STOX2: variants seen among roughly 807,000 people sequenced by gnomAD.
The protein encoded by STOX2 is storkhead box 2.
STOX2 carries 28 observed loss-of-function variants against 60.9 expected under a neutral mutation model. The observed-to-expected ratio is 0.46, with a 90% confidence interval of 0.34 to 0.63. The LOEUF is 0.63. STOX2 is among the 30% of genes least tolerant of loss of function. The probability of loss-of-function intolerance (pLI) is 0.01; values close to 1 mark genes in which losing one functional copy is unlikely to be tolerated. For synonymous variants in STOX2, 472 were observed against 463.9 expected, an observed-to-expected ratio of 1.02 and a Z score of -0.22; for missense variants, 1,024 against 1,187.7, an observed-to-expected ratio of 0.86 and a Z score of 2.03.
chr4:183,925,138 G>A (rs1343580534), intron 1 of STOX2, among the ~76,000 whole-genome samples: 3 of 152,166 alleles, frequency 2.0e-5, no homozygotes, highest in Non-Finnish European at 2.9e-5. Flanking sequence ...TGAAGCCAGG[G>A]CTGATGGGAT....
At chr4:183,939,316 C>G (rs1742684981) in intron 1 of STOX2, among the ~76,000 whole-genome samples, 1 of 152,216 alleles carries the variant, frequency 6.6e-6, no homozygotes, top group Admixed American at 6.5e-5. Flanking sequence ...ACTCCAAGTC[C>G]TCCTTCGTCT....
intron 1 of STOX2, among the ~76,000 whole-genome samples, chr4:183,897,869 C>T (rs1279073314): frequency 6.6e-6 from 1 of 152,174 alleles, no homozygotes; most frequent in Admixed American, 6.5e-5. Context: ...CTTCTCCACG[C>T]TGGTTAACAT....
intron 1 of STOX2, among the ~76,000 whole-genome samples, chr4:183,953,482 T>C (rs1220468500): frequency 6.6e-6 from 1 of 152,152 alleles, no homozygotes; most frequent in Non-Finnish European, 1.5e-5. Flanking sequence ...GTGGCAAGAC[T>C]GGGGCCCATT....
intron 1 of STOX2, among the ~76,000 whole-genome samples, chr4:183,938,402 C>G (rs6819799): frequency 0.57 from 86,889 of 151,514 alleles, 27,570 homozygotes; most frequent in Non-Finnish European, 0.72. Context: ...AGCACGGTGG[C>G]TCACGCTTGT....
intron 1 of STOX2, among the ~76,000 whole-genome samples, chr4:183,975,815 G>A (rs192062646): frequency 2.0e-5 from 3 of 152,286 alleles, no homozygotes; most frequent in Non-Finnish European, 2.9e-5. Flanking sequence ...TTCCCAACTC[G>A]TTTTGTGAAG....
rs765755728 is a variant in STOX2, at chr4:184,009,052, C to T, written c.320-106C>T. The stretch of plus-strand genomic sequence containing the variant: ...TTTGTCTGAATTGTGCATCCTAGCT[C>T]TGTGATGGTACTTCGCATCTTGGCG... On this transcript the variant is annotated intron_variant, in intron 2 of 3. Coordinates refer to ENST00000308497, the MANE Select transcript of STOX2 (RefSeq NM_020225.3). This position sits in a 1 kb window ranked among gnomAD's most constrained non-coding sequence, Gnocchi z 4.0. 380 of 874,854 alleles carry T rather than the reference C, an allele frequency of 4.3e-4. No homozygotes were observed. The highest frequency in any genetic ancestry group is 5.9e-4 in the Non-Finnish European group (339 of 577,880). 54.2% of individuals were successfully genotyped at this position (874,854 alleles called of 1,614,324 possible).
intron 1 of STOX2, among the ~76,000 whole-genome samples, chr4:183,893,218 C>T (rs931408617): frequency 2.0e-5 from 3 of 151,978 alleles, no homozygotes; most frequent in African/African-American, 7.3e-5. Flanking sequence ...GGATATTTTC[C>T]GCTCGTATCT....
chr4:183,885,605 T>C (rs1741061135), intron 1 of STOX2, among the ~76,000 whole-genome samples: 1 of 152,224 alleles, frequency 6.6e-6, no homozygotes, highest in African/African-American at 2.4e-5. Flanking sequence ...CCTCAGCTTC[T>C]GGAAGCTAAA....
intron 1 of STOX2, among the ~76,000 whole-genome samples, chr4:183,968,652 A>G (rs1579483463): frequency 1.3e-5 from 2 of 151,100 alleles, no homozygotes; most frequent in African/African-American, 4.9e-5. Flanking sequence ...GAAAAGACCA[A>G]CCCTTTTTCC....
At chr4:183,953,996 G>A (rs1012295516) in intron 1 of STOX2, among the ~76,000 whole-genome samples, 2 of 152,194 alleles carry the variant, frequency 1.3e-5, no homozygotes, top group African/African-American at 4.8e-5. Flanking sequence ...CTTTACTCTT[G>A]CAGAGCTAAG....
In STOX2 at chr4:183,821,229, TTG is replaced by T. The variant is rs1739296712; in HGVS notation, c.364+23176_364+23177del. Among the ~76,000 whole-genome samples, 1 of 152,242 alleles carries T rather than the reference TTG, an allele frequency of 6.6e-6. No homozygotes were observed. The highest frequency in any genetic ancestry group is 2.4e-5 in the African/African-American group (1 of 41,466). On this transcript the variant is annotated intron_variant, in intron 1 of 2. Coordinates refer to the STOX2 transcript ENST00000513034. This position sits in a 1 kb window ranked among gnomAD's most constrained non-coding sequence, Gnocchi z 4.2. ...ATAACGACTTAATTTTGCTCTTGAATTGTACACAGAGGCTTGGTGAGAACCCT... is the reference window on the plus strand; with the variant it reads ...ATAACGACTTAATTTTGCTCTTGAATTACACAGAGGCTTGGTGAGAACCCT...
At chr4:183,903,020 C>CA, upstream of STOX2, among the ~76,000 whole-genome samples, 1 of 152,346 alleles carries the variant, frequency 6.6e-6, no homozygotes, top group African/African-American at 2.4e-5. Flanking sequence ...TCAGTTTAAT[C>CA]AAGTGCGATT....
At chr4:183,884,665 GA>G (rs1741039592) in intron 1 of STOX2, among the ~76,000 whole-genome samples, 1 of 152,158 alleles carries the variant, frequency 6.6e-6, no homozygotes, top group South Asian at 2.1e-4. Flanking sequence ...AGCAGGTGTT[GA>G]ATGAATATCC....
intron 1 of STOX2, among the ~76,000 whole-genome samples, chr4:183,918,231 A>G (rs1741986597): frequency 6.6e-6 from 1 of 152,222 alleles, no homozygotes; most frequent in African/African-American, 2.4e-5. Flanking sequence ...TGATTTTGGT[A>G]TGTGCTCTGC....
intron 1 of STOX2, among the ~76,000 whole-genome samples, chr4:183,827,336 A>AAAATGAGG (rs1294236011): frequency 6.6e-6 from 1 of 152,088 alleles, no homozygotes; most frequent in Non-Finnish European, 1.5e-5. Flanking sequence ...CAGTCTACAA[A>AAAATGAGG]AAATGAGGAA....
intron 3 of STOX2, chr4:184,014,238 G>T (rs769508307): frequency 1.3e-5 from 2 of 151,868 alleles, no homozygotes; most frequent in African/African-American, 2.4e-5. Flanking sequence ...AGTCCCTTTT[G>T]TTGGGAATTA....
intron 1 of STOX2, among the ~76,000 whole-genome samples, chr4:183,987,462 T>C (rs1006642670): frequency 6.6e-6 from 1 of 152,158 alleles, no homozygotes; most frequent in Non-Finnish European, 1.5e-5. Context: ...TTTATGCAGA[T>C]ACGTGATTCA....
chr4:183,873,719 G>T (rs1271006728), intron 1 of STOX2, among the ~76,000 whole-genome samples: 1 of 152,212 alleles, frequency 6.6e-6, no homozygotes, highest in African/African-American at 2.4e-5. Flanking sequence ...TTGGAAGAAA[G>T]CTACTTAAAT....
At chr4:183,840,198 G>A (rs944223868) in intron 1 of STOX2, among the ~76,000 whole-genome samples, 2 of 152,124 alleles carry the variant, frequency 1.3e-5, no homozygotes, top group African/African-American at 4.8e-5. Context: ...TATTTAGATT[G>A]GAACGTTCTA....
Sources: allele counts gnomAD v4.1 joint callset (sites outside exome capture counted in the v4.1 genomes callset), GRCh38; gene constraint gnomAD v4.1.1; non-coding constraint Gnocchi (gnomAD v3.1); transcripts MANE v1.5; gene names NCBI Gene and HGNC (gene_info 2026-07-23, HGNC 2026-07-21).